CTNS: variants seen among roughly 807,000 people sequenced by gnomAD.
CTNS encodes the protein cystinosin, lysosomal cystine transporter, also known as cystinosin.
Under a neutral mutation model 43.7 loss-of-function variants are expected in CTNS, and 27 were observed. The observed-to-expected ratio is 0.62, with a 90% confidence interval of 0.46 to 0.85. CTNS has a LOEUF of 0.85. Among genes scored for constraint, CTNS ranks in the 40% least tolerant of loss-of-function variants. The pLI, the probability that CTNS is intolerant of heterozygous loss-of-function variation, is 0.00. For missense variants in CTNS, 457 were observed against 475.4 expected, an observed-to-expected ratio of 0.96 and a Z score of 0.36; for synonymous variants, 187 against 190.6, an observed-to-expected ratio of 0.98 and a Z score of 0.16.
intron 3 of CTNS, among the ~76,000 whole-genome samples, chr17:3,644,155 T>A (rs1362997667): frequency 1.3e-5 from 2 of 152,260 alleles, no homozygotes; most frequent in East Asian, 3.8e-4. Flanking sequence ...GTAACAATTA[T>A]TTAGCATCTG....
chr17:3,656,061 C>G (rs1269368128), intron 7 of CTNS: 3 of 317,132 alleles, frequency 9.5e-6, no homozygotes, highest in Non-Finnish European at 1.9e-5. Context: ...AGTCCTCACC[C>G]CTGGCCCTGC....
intron 3 of CTNS, among the ~76,000 whole-genome samples, chr17:3,642,279 G>A (rs1490093354): frequency 6.6e-6 from 1 of 151,884 alleles, no homozygotes; most frequent in African/African-American, 2.4e-5. Context: ...GGGGAAGCAG[G>A]CCCAGAGAGG....
intron 9 of CTNS, 69 bp from the exon 10 acceptor site, chr17:3,657,936 G>A: frequency 1.3e-6 from 2 of 1,581,984 alleles, no homozygotes; most frequent in Non-Finnish European, 8.6e-7. Context: ...CCCTATCCGG[G>A]GCCGTCCTTG....
At position 3,660,413 on chromosome 17, in the gene CTNS, C is replaced by CTGG; in HGVS notation, c.*45_*47dup. ...ACCCAGCCTCTGGCCTCGTGCCCTG[C>CTGG]TGGGGAAGGCCTCACCCAGCGAAGG... On this transcript the variant is annotated 3_prime_UTR_variant, in exon 12 of 12. Transcript: ENST00000046640. 6.2e-7 allele frequency: 1 copy of CTGG among 1,614,038 alleles called. No homozygotes were observed. Among genetic ancestry groups the CTGG allele is most frequent in the Non-Finnish European group, 8.5e-7 (1 of 1,180,044 alleles).
At chr17:3,655,877 T>G (rs1222027139) in intron 7 of CTNS, 1 of 244,660 alleles carries the variant, frequency 4.1e-6, no homozygotes, top group East Asian at 1.0e-4. Flanking sequence ...GGCAGGGAGA[T>G]CTTGGGCAGG....
intron 3 of CTNS, among the ~76,000 whole-genome samples, chr17:3,640,943 T>C (rs75787856): frequency 6.6e-6 from 1 of 152,122 alleles, no homozygotes; most frequent in African/African-American, 2.4e-5. Flanking sequence ...GCCTCTGCCC[T>C]GTGGACCTCA....
At position 3,660,722 on chromosome 17, in the gene CTNS, C is replaced by T. The variant is rs748580372; in HGVS notation, c.*353C>T. ...AAACTACCAGCGTTTCTGCAAGCAG[C>T]TTGAAGGGCTGACCTTGCAGCCGGG... On this transcript the variant is annotated 3_prime_UTR_variant, in exon 12 of 12. Coordinates refer to ENST00000046640, the MANE Select transcript of CTNS (RefSeq NM_004937.3). 5 of 1,613,542 alleles carry T rather than the reference C, an allele frequency of 3.1e-6. No homozygotes were observed. Among genetic ancestry groups the T allele is most frequent in the Non-Finnish European group, 4.2e-6 (5 of 1,180,034 alleles).
Position 3,660,159 on chromosome 17 carries a change from G to A in CTNS, c.971-77G>A, listed in dbSNP as rs1463349035. On this transcript the variant is annotated intron_variant, in intron 11 of 11. Coordinates refer to ENST00000046640, the MANE Select transcript of CTNS (RefSeq NM_004937.3). Reference sequence around the variant, plus strand: ...TTTGTGGTTTTCTGGGACCCCCACCGCCCACCACCCCACAAGCTCCAGCTG... The same window carrying A: ...TTTGTGGTTTTCTGGGACCCCCACCACCCACCACCCCACAAGCTCCAGCTG... The A allele has an allele frequency of 8.1e-6, 13 of 1,596,892 alleles. No individual in the cohort carries two copies. In the Admixed American group the frequency reaches 1.7e-4, roughly 20 times the overall value.
In CTNS at chr17:3,654,999, T is replaced by C. The variant is rs773707142; in HGVS notation, c.227T>C (p.Val76Ala). ...ATTGAACCTCAGTCTTCCTAACAGG[T>C]TGTGGTGCCTCCTGGAGTGACAAAC... is the stretch of plus-strand genomic sequence containing the variant. ...NITILELPDE[V>A]VVPPGVTNSS... Residue 76 changes from valine (V) to alanine (A), a missense_variant and splice_region_variant, in exon 6 of 12, where the codon GTT (valine) becomes GCT (alanine). Coordinates refer to ENST00000046640, the MANE Select transcript of CTNS (RefSeq NM_004937.3). 4.3e-6 allele frequency: 7 copies of C among 1,611,422 alleles called. No homozygotes were observed. The highest frequency in any genetic ancestry group is 1.1e-5 in the South Asian group (1 of 91,044).
At chr17:3,641,006 C>T (rs986391116) in intron 3 of CTNS, among the ~76,000 whole-genome samples, 5 of 152,134 alleles carry the variant, frequency 3.3e-5, no homozygotes, top group African/African-American at 1.2e-4. Flanking sequence ...GAGGTAGCCA[C>T]CCTGTTGTAC....
upstream of CTNS, chr17:3,636,535 C>CA (rs2075533738): frequency 2.9e-6 from 1 of 345,824 alleles, no homozygotes; most frequent in African/African-American, 2.2e-5. Context: ...CTGGCGGCTC[C>CA]AAGAGTCTCT....
At chr17:3,641,337 G>C (rs2075684915) in intron 3 of CTNS, among the ~76,000 whole-genome samples, 1 of 127,830 alleles carries the variant, frequency 7.8e-6, no homozygotes, top group African/African-American at 3.3e-5. Context: ...TTGCCTCTTG[G>C]GTCAAATACA....
At chr17:3,659,826 C>G (rs1402527175) in intron 10 of CTNS, 32 bp from the exon 11 acceptor site, 2 of 1,556,418 alleles carry the variant, frequency 1.3e-6, no homozygotes, top group Admixed American at 1.7e-5. Context: ...CCCTCACCGC[C>G]CTCCGTCTGT....
At chr17:3,642,061 G>A (rs1350762967) in intron 3 of CTNS, among the ~76,000 whole-genome samples, 12 of 50,148 alleles carry the variant, frequency 2.4e-4, no homozygotes, top group Non-Finnish European at 4.8e-4. Context: ...GTGTGTACCC[G>A]GGCGTGTGTG....
chr17:3,655,259 T>G lies in CTNS; in HGVS notation c.368T>G (p.Ile123Ser), dbSNP rs200313254. ...TTTCTTGTGATCCGCAGCAGCGCCATTAGCATCATAAACCAGGTGATTGGC... is the reference window on the plus strand; with the variant it reads ...TTTCTTGTGATCCGCAGCAGCGCCAGTAGCATCATAAACCAGGTGATTGGC... ...IRFLVIRSSA[I>S]SIINQVIGWI... The change falls in exon 7 of 12, where the codon ATT (isoleucine) becomes AGT (serine). Residue 123 changes from isoleucine to serine, a missense_variant. By Grantham distance (142) the Ile-to-Ser change is moderately radical. Coordinates refer to ENST00000046640, the MANE Select transcript of CTNS (RefSeq NM_004937.3). 1.0e-4 allele frequency: 167 copies of G among 1,614,196 alleles called. No homozygotes were observed. In the East Asian group the frequency reaches 3.7e-3, roughly 36 times the overall value.
rs2142984416 is a variant in CTNS at position 3,660,821 on chromosome 17, CAG to C, written c.*455_*456del. 6.3e-7 allele frequency: 1 copy of C among 1,589,672 alleles called. No homozygotes were observed. Among genetic ancestry groups the C allele is most frequent in the Middle Eastern group, 1.8e-4 (1 of 5,588 alleles). On this transcript the variant is annotated 3_prime_UTR_variant, in exon 12 of 12. Transcript: ENST00000046640. ...AGCCCGGTGCCGTGGCCAGTGAACT[CAG>C]AGGTGCTGGTGGACGGGCTAGGACT...
chr17:3,638,258 ACGG>A (rs2075590091), intron 2 of CTNS, among the ~76,000 whole-genome samples: 1 of 148,686 alleles, frequency 6.7e-6, no homozygotes. Flanking sequence ...TTAATTTGAG[ACGG>A]AGTTTCACTC....
At chr17:3,639,644 G>C (rs2150887598) in intron 2 of CTNS, among the ~76,000 whole-genome samples, 1 of 148,564 alleles carries the variant, frequency 6.7e-6, no homozygotes, top group Non-Finnish European at 1.5e-5. Context: ...CTCCAGCCTG[G>C]GCAACAGAGC....
intron 3 of CTNS, among the ~76,000 whole-genome samples, chr17:3,641,454 C>T (rs1423556444): frequency 2.4e-5 from 3 of 125,322 alleles, no homozygotes; most frequent in East Asian, 2.4e-4. Flanking sequence ...TGCAGTGGCA[C>T]GATCTCAGCC....
Sources: gnomAD v4.1 joint callset for allele counts (sites outside exome capture counted in the v4.1 genomes callset) on GRCh38, gnomAD v4.1.1 for gene constraint, MANE v1.5 for transcripts, NCBI Gene and HGNC (gene_info 2026-07-23, HGNC 2026-07-21) for gene names.